The following UFSP2 variants were observed in gnomAD, a reference collection of about 807,000 sequenced individuals.
UFSP2 encodes UFM1 specific peptidase 2.
A neutral mutation model predicts 60.2 loss-of-function variants in UFSP2; 43 were observed. That is an observed-to-expected ratio of 0.71 (90% CI 0.56 to 0.92). The LOEUF is 0.92. Ranked by LOEUF, UFSP2 falls within the 40% of genes least tolerant of loss-of-function variation. The pLI is 0.00. For synonymous variants in UFSP2, 183 were observed against 195.1 expected (o/e 0.94, Z 0.52); for missense variants, 520 against 575.0 (o/e 0.90, Z 0.98).
chr4:185,400,296 C>G lies in UFSP2; in HGVS notation c.*96G>C, dbSNP rs558564595. On this transcript the variant is annotated 3_prime_UTR_variant, in exon 12 of 12. Transcript: ENST00000264689. Reference sequence around the variant, plus strand: ...TGAAAAAGGTCATAATTTAAATCGTCAAACTAGAACCAGGATTTAATGTGA... The same window carrying G: ...TGAAAAAGGTCATAATTTAAATCGTGAAACTAGAACCAGGATTTAATGTGA... The G allele has an allele frequency of 8.9e-5, 93 of 1,049,220 alleles. 1 individual carries two copies. In the African/African-American group the frequency reaches 1.4e-3, roughly 16 times the overall value. The allele number at this position is 1,049,220 out of a possible 1,614,324, so 65.0% of individuals were successfully genotyped here.
At chr4:185,423,903 ACT>A (rs1262927940) in intron 1 of UFSP2, among the ~76,000 whole-genome samples, 5 of 152,090 alleles carry the variant, frequency 3.3e-5, no homozygotes, top group Non-Finnish European at 7.4e-5. Context: ...ATTTCATGAG[ACT>A]CTCAAAACAT....
rs1456385356 is a variant in UFSP2 at position 185,418,630 on chromosome 4, G to C, written c.223C>G (p.Leu75Val). 1.2e-6 allele frequency: 2 copies of C among 1,613,636 alleles called. No homozygotes were observed. The highest frequency in any genetic ancestry group is 1.7e-6 in the Non-Finnish European group (2 of 1,179,946). The change falls in exon 3 of 12, where the codon CTG (leucine) becomes GTG (valine). Residue 75 changes from leucine (L) to valine (V), a missense_variant. Physicochemically the swap from Leu to Val is conservative, Grantham distance 32. Transcript: ENST00000264689. ...SSDINTIPGE[L>V]TDASACKNIL... ...TTCTTACAAGCAGAAGCATCAGTCA[G>C]TTCTCCAGGAATGGTGTTTATGTCA...
chr4:185,420,562 T>C (rs1242032967), intron 2 of UFSP2, among the ~76,000 whole-genome samples: 4 of 152,182 alleles, frequency 2.6e-5, no homozygotes, highest in East Asian at 3.8e-4. Context: ...TTTGGAGCTA[T>C]TGTAGAGATT....
intron 9 of UFSP2, among the ~76,000 whole-genome samples, chr4:185,406,487 C>T (rs1032418899): frequency 1.3e-5 from 2 of 152,060 alleles, no homozygotes; most frequent in Non-Finnish European, 2.9e-5. Context: ...TAAACCTTAG[C>T]TCTTGCTTAA....
chr4:185,406,562 T>A (rs1659626006), intron 9 of UFSP2, among the ~76,000 whole-genome samples: 1 of 152,098 alleles, frequency 6.6e-6, no homozygotes, highest in South Asian at 2.1e-4. Flanking sequence ...ACTACTTAAG[T>A]CTGTCATTGT....
Position 185,418,615 on chromosome 4 carries a change from C to G in UFSP2, c.238G>C (p.Ala80Pro), listed in dbSNP as rs1296172132. The G allele has an allele frequency of 1.2e-6, 2 of 1,613,378 alleles. No individual in the cohort carries two copies. The highest frequency in any genetic ancestry group is 8.5e-7 in the Non-Finnish European group (1 of 1,179,846). Residue 80 changes from alanine to proline, a missense_variant, in exon 3 of 12, where the codon GCT becomes CCT. Transcript: ENST00000264689. ...ATAAAGCGCAGTATGTTCTTACAAGCAGAAGCATCAGTCAGTTCTCCAGGA... is the reference window on the plus strand; with the variant it reads ...ATAAAGCGCAGTATGTTCTTACAAGGAGAAGCATCAGTCAGTTCTCCAGGA... ...TIPGELTDAS[A>P]CKNILRFIQF...
intron 7 of UFSP2, among the ~76,000 whole-genome samples, chr4:185,412,833 G>C (rs1352787818): frequency 6.6e-6 from 1 of 152,040 alleles, no homozygotes; most frequent in Non-Finnish European, 1.5e-5. Flanking sequence ...CAGCTCTATT[G>C]GTATTCCTAA....
intron 7 of UFSP2, among the ~76,000 whole-genome samples, chr4:185,410,944 T>TTA (rs1294021158): frequency 2.9e-5 from 1 of 34,404 alleles, no homozygotes; most frequent in Non-Finnish European, 9.9e-5. Flanking sequence ...AGACTCCATC[T>TTA]CAAAAAAAAA....
At chr4:185,410,619 G>A (rs2095527539) in intron 7 of UFSP2, among the ~76,000 whole-genome samples, 1 of 151,668 alleles carries the variant, frequency 6.6e-6, no homozygotes, top group Non-Finnish European at 1.5e-5. Flanking sequence ...CTGCACTCTA[G>A]CCTGGGCAAC....
At position 185,399,556 on chromosome 4, in the gene UFSP2, TATCCTGTTTTCAGTTTATGTAATAAG is replaced by T. The variant is rs1241322596; in HGVS notation, c.*810_*835del. ...TCAATGTTTCATTTCACTCCGTTTT[TATCCTGTTTTCAGTTTATGTAATAAG>T]AACGGGCAAACAGCTGAAGATCTCG... On this transcript the variant is annotated 3_prime_UTR_variant, in exon 12 of 12. Coordinates refer to ENST00000264689, the MANE Select transcript of UFSP2 (RefSeq NM_018359.5). 6.2e-7 allele frequency: 1 copy of T among 1,613,692 alleles called. No homozygotes were observed. The highest frequency in any genetic ancestry group is 1.3e-5 in the African/African-American group (1 of 74,920).
rs1301585828 is a variant in UFSP2 at position 185,407,923 on chromosome 4, A to C, written c.1121+13T>G. The stretch of plus-strand genomic sequence containing the variant: ...TTTGAAATGATTTATCTAATTTCTT[A>C]AAGTGTGCTTACCTGACAAACAGGA... On this transcript the variant is annotated intron_variant, in intron 9 of 11. Coordinates refer to ENST00000264689, the MANE Select transcript of UFSP2 (RefSeq NM_018359.5). 3.1e-6 allele frequency: 5 copies of C among 1,607,586 alleles called. No homozygotes were observed. Among genetic ancestry groups the C allele is most frequent in the Non-Finnish European group, 1.7e-6 (2 of 1,177,648 alleles).
Position 185,400,443 on chromosome 4 carries a change from G to A in UFSP2, c.1359C>T (p.Asn453=), listed in dbSNP as rs1193628434. 6 of 1,613,732 alleles carry A rather than the reference G, an allele frequency of 3.7e-6. No individual in the cohort carries two copies. The highest frequency in any genetic ancestry group is 3.3e-5 in the South Asian group (3 of 91,036). The change falls in exon 12 of 12, where the codon AAC becomes AAT. Residue 453 remains asparagine (N), a synonymous_variant. Transcript: ENST00000264689. The part of the protein sequence containing the change: ...WCGWKGPDFW[N]KDAYYNLCLP... ...GACATAAGTTATAGTATGCATCCTT[G>A]TTCCAAAAATCTGGGCCCTTCCATC...
chr4:185,415,607 CA>C lies in UFSP2; in HGVS notation c.491+102del, dbSNP rs2095537155. ...AGATGGCTCTTAGGTTAATAATAAA[CA>C]AGGAGAAAATCACACCTTAGGTATA... On this transcript the variant is annotated intron_variant, in intron 5 of 11. Transcript: ENST00000264689. 2.8e-6 allele frequency: 3 copies of C among 1,090,410 alleles called. No homozygotes were observed. In the African/African-American group the frequency reaches 4.8e-5, roughly 17 times the overall value. 67.5% of individuals were successfully genotyped at this position (1,090,410 alleles called of 1,614,324 possible).
At chr4:185,413,591 G>A in intron 7 of UFSP2, 135 bp downstream of exon 7, 1 of 889,692 alleles carries the variant, frequency 1.1e-6, no homozygotes, top group African/African-American at 1.7e-5. Flanking sequence ...AGCAATGTCT[G>A]TTAACAGAGA....
At chr4:185,415,968 A>T in intron 4 of UFSP2, 101 bp from the exon 5 acceptor site, 1 of 1,014,778 alleles carries the variant, frequency 9.9e-7, no homozygotes, top group Non-Finnish European at 1.4e-6. Flanking sequence ...TATTAAGAAA[A>T]AAATTTAAGA....
rs760099984 is a variant in UFSP2, at chr4:185,415,691, G to A, written c.491+19C>T. The A allele has an allele frequency of 2.5e-6, 4 of 1,596,660 alleles. No individual in the cohort carries two copies. Among genetic ancestry groups the A allele is most frequent in the Middle Eastern group, 3.3e-4 (2 of 5,996 alleles). ...GGGCCCTCATTCAAATGTGGCAGTG[G>A]TACTATAAAAATACTTACTTTCCCC... On this transcript the variant is annotated intron_variant, in intron 5 of 11. Coordinates refer to ENST00000264689, the MANE Select transcript of UFSP2 (RefSeq NM_018359.5).
intron 7 of UFSP2, among the ~76,000 whole-genome samples, chr4:185,413,183 T>A (rs2095532500): frequency 6.6e-6 from 1 of 152,136 alleles, no homozygotes; most frequent in Non-Finnish European, 1.5e-5. Flanking sequence ...CAGGTGCCTG[T>A]AACCCTAGCT....
intron 1 of UFSP2, 91 bp downstream of exon 1, chr4:185,425,775 C>T: frequency 6.5e-7 from 1 of 1,546,766 alleles, no homozygotes; most frequent in Non-Finnish European, 8.8e-7. Flanking sequence ...CCGGCAGGAC[C>T]AGCTCCTTTC....
chr4:185,405,759 A>C, intron 10 of UFSP2, 21 bp downstream of exon 10: 1 of 1,612,030 alleles, frequency 6.2e-7, no homozygotes, highest in Non-Finnish European at 8.5e-7. Flanking sequence ...TCTACCAAAA[A>C]CAGTGTCTGA....
Sources: gnomAD v4.1 joint callset for allele counts (sites outside exome capture counted in the v4.1 genomes callset) on GRCh38, gnomAD v4.1.1 for gene constraint, MANE v1.5 for transcripts, NCBI Gene and HGNC (gene_info 2026-07-23, HGNC 2026-07-21) for gene names.